The following VPS54 variants were observed in gnomAD, a reference collection of about 807,000 sequenced individuals.
VPS54 encodes vacuolar protein sorting-associated protein 54.
Under a neutral mutation model 121.5 loss-of-function variants are expected in VPS54, and 45 were observed. That is an observed-to-expected ratio of 0.37 (90% CI 0.29 to 0.47). The LOEUF is 0.47. Among genes scored for constraint, VPS54 ranks in the 20% least tolerant of loss-of-function variants. The pLI is 0.99. For missense variants in VPS54, 1,090 were observed against 1,131.4 expected, an observed-to-expected ratio of 0.96 and a Z score of 0.52; for synonymous variants, 371 against 385.8, an observed-to-expected ratio of 0.96 and a Z score of 0.45.
intron 1 of VPS54, among the ~76,000 whole-genome samples, chr2:64,015,214 A>T (rs1427270263): frequency 1.3e-5 from 2 of 152,222 alleles, no homozygotes; most frequent in African/African-American, 4.8e-5. Context: ...TCAAAACAAT[A>T]GTAGTCCAAA....
Position 63,894,119 on chromosome 2 carries a change from T to G in VPS54, c.2829-584A>C, listed in dbSNP as rs145689981. Among the ~76,000 whole-genome samples the G allele has an allele frequency of 4.8e-3, 725 of 152,264 alleles. 9 individuals carry two copies. The highest frequency in any genetic ancestry group is 0.016 in the African/African-American group (673 of 41,562). ...GAAAATGCAAATCAAAACAAGGTAC[T>G]ACTATCCCCCATCAGACTAGCAACA... On this transcript the variant is annotated intron_variant, in intron 22 of 22. Coordinates refer to ENST00000272322, the MANE Select transcript of VPS54 (RefSeq NM_016516.3).
chr2:63,928,403 A>C (rs1239921558), intron 12 of VPS54, among the ~76,000 whole-genome samples: 1 of 152,198 alleles, frequency 6.6e-6, no homozygotes, highest in Non-Finnish European at 1.5e-5. Context: ...ATATCCAGCC[A>C]AACTAAGCTT....
intron 4 of VPS54, among the ~76,000 whole-genome samples, chr2:63,970,241 TAATATA>T (rs1676209755): frequency 2.7e-5 from 1 of 37,688 alleles, no homozygotes; most frequent in Non-Finnish European, 5.6e-5. Flanking sequence ...ACACACATTC[TAATATA>T]TATATAGATA....
chr2:63,897,418 G>A (rs1350475010), intron 22 of VPS54, 78 bp downstream of exon 22: 3 of 1,035,062 alleles, frequency 2.9e-6, no homozygotes, highest in Admixed American at 2.6e-5. Flanking sequence ...CAGCAGAAAA[G>A]GATGGCACAA....
intron 8 of VPS54, among the ~76,000 whole-genome samples, chr2:63,948,693 C>T (rs980667393): frequency 8.5e-5 from 13 of 152,076 alleles, no homozygotes; most frequent in African/African-American, 2.7e-4. Flanking sequence ...GGAGCCAATG[C>T]GCCCAACTAT....
At chr2:63,999,824 G>A (rs1490491432) in intron 1 of VPS54, among the ~76,000 whole-genome samples, 2 of 151,900 alleles carry the variant, frequency 1.3e-5, no homozygotes, top group African/African-American at 4.8e-5. Flanking sequence ...CAAAAAGCCT[G>A]TCTTCAAGCT....
chr2:63,945,403 G>A (rs964541874), intron 9 of VPS54, among the ~76,000 whole-genome samples: 1 of 152,100 alleles, frequency 6.6e-6, no homozygotes, highest in Admixed American at 6.6e-5. Flanking sequence ...AGTGGAGGGT[G>A]GGAGGAGAGA....
intron 11 of VPS54, among the ~76,000 whole-genome samples, chr2:63,939,785 G>A (rs554476512): frequency 1.4e-4 from 21 of 149,626 alleles, no homozygotes; most frequent in South Asian, 4.2e-4. Flanking sequence ...TTTTTAAGAC[G>A]GAGTCTTGCT....
Position 63,914,258 on chromosome 2 carries a change from A to C in VPS54, c.2258T>G (p.Leu753Arg). ...GTTATCCACACACTGGCAATATTCA[A>C]GGATAATTCTTATTAACAGCAATAC... is the stretch of plus-strand genomic sequence containing the variant. ...GTVLLLIRII[L>R]EYCQCVDNIP... is the part of the protein sequence containing the mutation. Residue 753 changes from leucine to arginine, a missense_variant, in exon 17 of 23, where the codon CTT (leucine) becomes CGT (arginine). Around this residue, in one of 2 missense-constraint regions of VPS54, gnomAD observed 289 missense variants for 374.4 expected, o/e 0.77. Coordinates refer to ENST00000272322, the MANE Select transcript of VPS54 (RefSeq NM_016516.3). The C allele has an allele frequency of 6.2e-7, 1 of 1,613,428 alleles. No homozygotes were observed. Among genetic ancestry groups the C allele is most frequent in the Non-Finnish European group, 8.5e-7 (1 of 1,179,624 alleles).
intron 7 of VPS54, among the ~76,000 whole-genome samples, chr2:63,955,169 T>A (rs1211832271): frequency 6.6e-6 from 1 of 152,040 alleles, no homozygotes; most frequent in East Asian, 1.9e-4. Context: ...AAAACAAACT[T>A]TGCTTTGCAT....
chr2:63,985,680 TACACACACAC>T (rs3079061), intron 1 of VPS54, among the ~76,000 whole-genome samples: 41,872 of 144,938 alleles, frequency 0.29, 6,744 homozygotes, highest in Non-Finnish European at 0.36. Context: ...TGACAAATTA[TACACACACAC>T]ACACACACAC....
intron 1 of VPS54, among the ~76,000 whole-genome samples, chr2:64,013,203 T>C (rs1678506875): frequency 6.6e-6 from 1 of 152,242 alleles, no homozygotes; most frequent in African/African-American, 2.4e-5. Context: ...TGAAATCATG[T>C]GCCTCCTGAT....
intron 20 of VPS54, among the ~76,000 whole-genome samples, chr2:63,909,412 CCTTTT>C (rs1673037621): frequency 2.4e-5 from 3 of 125,690 alleles, no homozygotes; most frequent in Admixed American, 8.9e-5. Flanking sequence ...TTATTAGCTG[CCTTTT>C]TTTTTTTTTT....
chr2:63,987,360 G>A (rs1677100080), intron 1 of VPS54, among the ~76,000 whole-genome samples: 1 of 152,162 alleles, frequency 6.6e-6, no homozygotes, highest in Non-Finnish European at 1.5e-5. Flanking sequence ...TGAGATCACT[G>A]TAGATGAATG....
At chr2:64,013,967 T>C (rs1038085037) in intron 1 of VPS54, among the ~76,000 whole-genome samples, 76 of 149,244 alleles carry the variant, frequency 5.1e-4, no homozygotes, top group African/African-American at 1.8e-3. Flanking sequence ...CCGAGGCAGG[T>C]AGATCACAAG....
intron 12 of VPS54, among the ~76,000 whole-genome samples, chr2:63,923,536 G>A (rs932283653): frequency 3.3e-5 from 5 of 151,950 alleles, no homozygotes; most frequent in Non-Finnish European, 7.4e-5. Context: ...ACTAATGGAT[G>A]AACAGATAAA....
chr2:63,986,833 A>C (rs1677075430), intron 1 of VPS54, among the ~76,000 whole-genome samples: 1 of 152,200 alleles, frequency 6.6e-6, no homozygotes, highest in African/African-American at 2.4e-5. Flanking sequence ...CATTCCTCTG[A>C]TGATAAATAC....
In VPS54 at chr2:63,986,458, G is replaced by T. The variant is rs117038719; in HGVS notation, c.-20-2439C>A. ...CAAGATCTCATCCTTTTCTATGGCT[G>T]AATAGTTCTCTATTGTGTATATGTA... is the stretch of plus-strand genomic sequence containing the variant. On this transcript the variant is annotated intron_variant, in intron 1 of 22. Transcript: ENST00000272322. 2.0e-5 allele frequency among the ~76,000 whole-genome samples: 3 copies of T among 152,312 alleles called. No individual in the cohort carries two copies. The East Asian group carries it at 5.8e-4, about 29-fold the overall frequency.
intron 7 of VPS54, among the ~76,000 whole-genome samples, chr2:63,952,059 G>A (rs79708306): frequency 6.6e-6 from 1 of 152,168 alleles, no homozygotes; most frequent in Non-Finnish European, 1.5e-5. Flanking sequence ...GCTAGGCCCT[G>A]TTCTGGGTGC....
Sources: gnomAD v4.1 joint callset for allele counts (sites outside exome capture counted in the v4.1 genomes callset) on GRCh38, gnomAD v4.1.1 for gene constraint, gnomAD v4.1.1 regional missense constraint, MANE v1.5 for transcripts, NCBI Gene and HGNC (gene_info 2026-07-23, HGNC 2026-07-21) for gene names.